The following SRPRA variants were observed in gnomAD, a reference collection of about 807,000 sequenced individuals.
SRPRA encodes signal recognition particle receptor subunit alpha.
SRPRA carries 30 observed loss-of-function variants against 61.1 expected under a neutral mutation model. That is an observed-to-expected ratio of 0.49 (90% CI 0.37 to 0.67). The LOEUF is 0.67. Ranked by LOEUF, SRPRA falls within the 30% of genes least tolerant of loss-of-function variation. The pLI is 0.00. For missense variants in SRPRA, 759 were observed against 828.4 expected, an observed-to-expected ratio of 0.92 and a Z score of 1.03; for synonymous variants, 324 against 299.7, an observed-to-expected ratio of 1.08 and a Z score of -0.84.
In SRPRA at chr11:126,264,134, T is replaced by C. The variant is rs1950757806; in HGVS notation, c.1788+57A>G. Reference sequence around the variant, plus strand: ...GGAAGCGCTGGAGCCAAGATTTCCTTGCAGCCTCAGCTCCTTTGTGCAGGA... The same window carrying C: ...GGAAGCGCTGGAGCCAAGATTTCCTCGCAGCCTCAGCTCCTTTGTGCAGGA... On this transcript the variant is annotated intron_variant, in intron 13 of 13. Coordinates refer to ENST00000332118, the MANE Select transcript of SRPRA (RefSeq NM_003139.4). The surrounding 1 kb of genome is among the most constrained non-coding windows in gnomAD (Gnocchi z 5.0). 2 of 1,612,058 alleles carry C rather than the reference T, an allele frequency of 1.2e-6. No homozygotes were observed. Among genetic ancestry groups the C allele is most frequent in the Admixed American group, 3.3e-5 (2 of 59,900 alleles).
At chr11:126,262,437 C>G, downstream of SRPRA, 1 of 396,936 alleles carries the variant, frequency 2.5e-6, no homozygotes, top group Non-Finnish European at 4.5e-6. Flanking sequence ...GTGATACTTC[C>G]ACTGACCGGC....
In SRPRA at chr11:126,264,279, T is replaced by C. The variant is rs572292509; in HGVS notation, c.1700A>G (p.Asn567Ser). The C allele has an allele frequency of 5.5e-5, 88 of 1,613,966 alleles. 1 individual carries two copies. In the South Asian group the frequency reaches 5.7e-4, roughly 10 times the overall value. The stretch of plus-strand genomic sequence containing the variant: ...CATAGAATGGTCAGCCAAGGCTCTG[T>C]TGAACTTGACCTGGAAAGAAAAAGT... The part of the protein sequence containing the change: ...NEAVDQLVKF[N>S]RALADHSMAQ... Residue 567 changes from asparagine (N) to serine (S), a missense_variant, in exon 13 of 14, where the codon AAC (asparagine) becomes AGC (serine). This residue lies in a region of SRPRA where 284 missense variants were observed against 365.9 expected (regional missense o/e 0.78). Coordinates refer to ENST00000332118, the MANE Select transcript of SRPRA (RefSeq NM_003139.4). This position sits in a 1 kb window ranked among gnomAD's most constrained non-coding sequence, Gnocchi z 5.0.
chr11:126,255,485 A>T, the SRPRA span, among the ~76,000 whole-genome samples: 1 of 152,106 alleles, frequency 6.6e-6, no homozygotes, highest in Non-Finnish European at 1.5e-5. This position sits in a 1 kb window ranked among gnomAD's most constrained non-coding sequence, Gnocchi z 4.6. Context: ...GTGTGTGTAT[A>T]TGTATACACA....
Position 126,265,549 on chromosome 11 carries a change from G to A in SRPRA, c.1139-109C>T. 1 of 1,340,086 alleles carries A rather than the reference G, an allele frequency of 7.5e-7. No individual in the cohort carries two copies. The highest frequency in any genetic ancestry group is 1.0e-6 in the Non-Finnish European group (1 of 980,554). The allele number at this position is 1,340,086 out of a possible 1,614,324, so 83.0% of individuals were successfully genotyped here. On this transcript the variant is annotated intron_variant, in intron 9 of 13. Transcript: ENST00000332118. The surrounding 1 kb of genome is among the most constrained non-coding windows in gnomAD (Gnocchi z 6.3). Reference sequence around the variant, plus strand: ...GACTAAAACAGTAAATTAGACTCTTGTCCCAGAAATCCAGAACAGACGCAC... The same window carrying A: ...GACTAAAACAGTAAATTAGACTCTTATCCCAGAAATCCAGAACAGACGCAC...
chr11:126,261,588 A>G, downstream of SRPRA: 2 of 858,352 alleles, frequency 2.3e-6, no homozygotes, highest in Non-Finnish European at 3.7e-6. Flanking sequence ...CACATTGCCA[A>G]ATTTTAAAAA....
downstream of SRPRA, chr11:126,262,218 C>T (rs114816185): frequency 4.4e-3 from 6,376 of 1,433,916 alleles, 185 homozygotes; most frequent in African/African-American, 0.071. Context: ...TACAAGAACC[C>T]AACACAATTC....
At chr11:126,250,282 G>A in the SRPRA span, among the ~76,000 whole-genome samples, 4 of 152,056 alleles carry the variant, frequency 2.6e-5, no homozygotes, top group South Asian at 2.1e-4. The surrounding 1 kb of genome is among the most constrained non-coding windows in gnomAD (Gnocchi z 5.1). Context: ...TAGTAGAGAC[G>A]GGGTTTCACC....
rs773496468 is a variant in SRPRA, at chr11:126,267,968, A to C, written c.201+35T>G. The C allele has an allele frequency of 6.3e-7, 1 of 1,599,066 alleles. No homozygotes were observed. The highest frequency in any genetic ancestry group is 8.6e-7 in the Non-Finnish European group (1 of 1,166,422). On this transcript the variant is annotated intron_variant, in intron 2 of 13. Transcript: ENST00000332118. The surrounding 1 kb of genome is among the most constrained non-coding windows in gnomAD (Gnocchi z 4.2). ...TCTCTTAAAAATCAGGGCTATGTTA[A>C]CAATGCAATCGTCCCTCTACAACAC...
the SRPRA span, among the ~76,000 whole-genome samples, chr11:126,249,749 A>AAAAG: frequency 7.1e-6 from 1 of 141,208 alleles, no homozygotes. Context: ...AAAAAAAAAA[A>AAAAG]AAAAAGAAAA....
At position 126,264,501 on chromosome 11, in the gene SRPRA, C is replaced by G; in HGVS notation, c.1564G>C (p.Ala522Pro). The G allele has an allele frequency of 6.2e-7, 1 of 1,613,666 alleles. No individual in the cohort carries two copies. Among genetic ancestry groups the G allele is most frequent in the Non-Finnish European group, 8.5e-7 (1 of 1,180,046 alleles). The part of the protein sequence containing the change: ...QGFDVVLVDT[A>P]GRMQDNAPLM... ...GGGGCATTGTCTTGCATGCGGCCTG[C>G]CGTGTCCACCAGCACCACGTCAAAG... is the stretch of plus-strand genomic sequence containing the variant. Residue 522 changes from alanine (A) to proline (P), a missense_variant, in exon 12 of 14, where the codon GCA (alanine) becomes CCA (proline). Ala to Pro is a conservative substitution (Grantham distance 27). Transcript: ENST00000332118. The surrounding 1 kb of genome is among the most constrained non-coding windows in gnomAD (Gnocchi z 5.0).
At chr11:126,256,234 C>G in the SRPRA span, among the ~76,000 whole-genome samples, 1 of 152,222 alleles carries the variant, frequency 6.6e-6, no homozygotes, top group African/African-American at 2.4e-5. This position sits in a 1 kb window ranked among gnomAD's most constrained non-coding sequence, Gnocchi z 6.6. Context: ...CCACTACACT[C>G]TAGCCCAGGT....
Position 126,263,713 on chromosome 11 carries a change from C to T in SRPRA, c.*203G>A, listed in dbSNP as rs1950750046. 4 of 687,260 alleles carry T rather than the reference C, an allele frequency of 5.8e-6. No individual in the cohort carries two copies. The highest frequency in any genetic ancestry group is 9.6e-6 in the Non-Finnish European group (4 of 416,586). 42.6% of individuals were successfully genotyped at this position (687,260 alleles called of 1,614,324 possible). A position where few individuals can be genotyped will look rare whatever the true frequency, so the allele number is the denominator to read the frequency against. On this transcript the variant is annotated 3_prime_UTR_variant, in exon 14 of 14. Transcript: ENST00000332118. ...GGCCCGCTGGGAGAGGGTCAGTGGG[C>T]AGTGATTGTAACATGATTAGGCCTT...
the SRPRA span, chr11:126,250,412 A>G: frequency 1.5e-5 from 13 of 848,894 alleles, no homozygotes; most frequent in African/African-American, 1.7e-5. This position sits in a 1 kb window ranked among gnomAD's most constrained non-coding sequence, Gnocchi z 5.1. Context: ...TTTGAATTCA[A>G]AATATTCTTC....
the SRPRA span, chr11:126,250,690 A>C: frequency 2.5e-6 from 4 of 1,614,016 alleles, no homozygotes; most frequent in Non-Finnish European, 3.4e-6. The surrounding 1 kb of genome is among the most constrained non-coding windows in gnomAD (Gnocchi z 5.1). Flanking sequence ...GCAGCAGATC[A>C]GGGGAAACAG....
chr11:126,245,641 C>A, the SRPRA span, among the ~76,000 whole-genome samples: 3 of 151,970 alleles, frequency 2.0e-5, no homozygotes, highest in Admixed American at 6.6e-5. Flanking sequence ...CTGCAATCAG[C>A]TATGATCATG....
downstream of SRPRA, chr11:126,262,088 T>C: frequency 6.2e-7 from 1 of 1,613,836 alleles, no homozygotes; most frequent in Non-Finnish European, 8.5e-7. Flanking sequence ...TTTGTGAAAC[T>C]TCATTTTGTT....
chr11:126,248,070 A>G, the SRPRA span, among the ~76,000 whole-genome samples: 1 of 150,130 alleles, frequency 6.7e-6, no homozygotes, highest in Non-Finnish European at 1.5e-5. Flanking sequence ...CACCTGAACC[A>G]GAGAGGCAGA....
At chr11:126,243,632 G>C in the SRPRA span, among the ~76,000 whole-genome samples, 1 of 152,062 alleles carries the variant, frequency 6.6e-6, no homozygotes, top group African/African-American at 2.4e-5. Flanking sequence ...GGCCAGGTGC[G>C]GTGGCTCACA....
the SRPRA span, chr11:126,254,192 G>T: frequency 7.7e-7 from 1 of 1,292,312 alleles, no homozygotes; most frequent in East Asian, 2.4e-5. Context: ...ATATCATGAA[G>T]CTAGAGAGTT....
Sources: allele counts gnomAD v4.1 joint callset (sites outside exome capture counted in the v4.1 genomes callset), GRCh38; gene constraint gnomAD v4.1.1; regional missense constraint gnomAD v4.1.1; non-coding constraint Gnocchi (gnomAD v3.1); transcripts MANE v1.5; gene names NCBI Gene and HGNC (gene_info 2026-07-23, HGNC 2026-07-21).